Variants in GFOD1 observed in about 807,000 individuals in gnomAD.
GFOD1 encodes the protein glucose-fructose oxidoreductase domain-containing protein 1.
A neutral mutation model predicts 25.4 loss-of-function variants in GFOD1; 9 were observed. The observed-to-expected ratio is 0.35, with a 90% CI of 0.21 to 0.62. The LOEUF (loss-of-function observed/expected upper bound fraction) is 0.62, where lower values mean the gene tolerates loss of function less well. Among genes scored for constraint, GFOD1 ranks in the 20% least tolerant of loss-of-function variants. The pLI, the probability that GFOD1 is intolerant of heterozygous loss-of-function variation, is 0.72. For missense variants in GFOD1, 403 were observed against 556.9 expected (o/e 0.72, Z 2.78); for synonymous variants, 253 against 245.6 (o/e 1.03, Z -0.28).
chr6:13,390,780 A>AAGGAAGGAAGGAAGGAAGGAAGAAAGG (rs1785581911), intron 1 of GFOD1, among the ~76,000 whole-genome samples: 1 of 117,904 alleles, frequency 8.5e-6, no homozygotes, highest in African/African-American at 3.2e-5. Flanking sequence ...AGAGAGAGAG[A>AAGGAAGGAAGGAAGGAAGGAAGAAAGG]AAGGAAGGAA....
Position 13,365,609 on chromosome 6 carries a change from G to C in GFOD1, c.307C>G (p.Arg103Gly). 6.2e-7 allele frequency: 1 copy of C among 1,604,148 alleles called. No homozygotes were observed. Residue 103 changes from arginine to glycine, a missense_variant, in exon 2 of 2, where the codon CGC becomes GGC. Coordinates refer to ENST00000379287, the MANE Select transcript of GFOD1 (RefSeq NM_018988.4). The surrounding 1 kb of genome is among the most constrained non-coding windows in gnomAD (Gnocchi z 9.2). ...DRTATPLDAF[R>G]MTSAAHYYPK... ...TAGTAGTGGGCGGCCGAGGTCATGCGGAAAGCGTCCAGCGGCGTGGCCGTG... is the reference window on the plus strand; with the variant it reads ...TAGTAGTGGGCGGCCGAGGTCATGCCGAAAGCGTCCAGCGGCGTGGCCGTG...
At chr6:13,448,885 C>G (rs1309222300) in intron 1 of GFOD1, among the ~76,000 whole-genome samples, 1 of 152,192 alleles carries the variant, frequency 6.6e-6, no homozygotes, top group Non-Finnish European at 1.5e-5. Context: ...AACCAAAAGT[C>G]TCTAAAACAG....
At chr6:13,410,042 C>G (rs1427339534) in intron 1 of GFOD1, among the ~76,000 whole-genome samples, 7 of 121,348 alleles carry the variant, frequency 5.8e-5, no homozygotes, top group Admixed American at 2.0e-4. Context: ...GCAGGGTAAA[C>G]CTCTAAGGCC....
intron 1 of GFOD1, among the ~76,000 whole-genome samples, chr6:13,456,760 G>A (rs1020486188): frequency 6.6e-6 from 1 of 152,154 alleles, no homozygotes; most frequent in South Asian, 2.1e-4. Flanking sequence ...TCTTGGCCCC[G>A]CACAGATCTG....
intron 1 of GFOD1, among the ~76,000 whole-genome samples, chr6:13,390,266 G>A (rs1785560942): frequency 6.6e-6 from 1 of 152,194 alleles, no homozygotes; most frequent in South Asian, 2.1e-4. Flanking sequence ...AAACCTTCTG[G>A]GCTTCCATTT....
chr6:13,431,756 T>TA lies in GFOD1; in HGVS notation c.253+54881dup, dbSNP rs1757753543. ...CTCAATACAAACTTAAATGACCACT[T>TA]ACATTTAGTTCCCAGGTTGCACCAA... On this transcript the variant is annotated intron_variant, in intron 1 of 1. Transcript: ENST00000379287. 3.3e-5 allele frequency among the ~76,000 whole-genome samples: 5 copies of TA among 152,330 alleles called. No homozygotes were observed. In the South Asian group the frequency reaches 1.0e-3, roughly 32 times the overall value.
At chr6:13,456,852 C>G (rs1295695531) in intron 1 of GFOD1, among the ~76,000 whole-genome samples, 1 of 152,156 alleles carries the variant, frequency 6.6e-6, no homozygotes, top group Non-Finnish European at 1.5e-5. Flanking sequence ...CTGAGTAGAA[C>G]AGAAAGTTCA....
chr6:13,382,254 C>A (rs1044568756), intron 1 of GFOD1, among the ~76,000 whole-genome samples: 5 of 151,970 alleles, frequency 3.3e-5, no homozygotes, highest in African/African-American at 1.2e-4. Context: ...GTGATATGGT[C>A]TGGCTGTGTC....
chr6:13,411,670 C>T (rs1786081174), intron 1 of GFOD1, among the ~76,000 whole-genome samples: 1 of 152,196 alleles, frequency 6.6e-6, no homozygotes, highest in Admixed American at 6.5e-5. Context: ...ACCAGAAAGG[C>T]CTCCTTCCTG....
intron 1 of GFOD1, among the ~76,000 whole-genome samples, chr6:13,412,922 T>A (rs115573309): frequency 2.0e-3 from 311 of 152,354 alleles, no homozygotes; most frequent in Non-Finnish European, 3.2e-3. Context: ...TGTGTGTTGC[T>A]ATGACGATAA....
intron 1 of GFOD1, among the ~76,000 whole-genome samples, chr6:13,388,611 C>G (rs1317419966): frequency 3.9e-5 from 6 of 152,198 alleles, no homozygotes; most frequent in Non-Finnish European, 8.8e-5. Context: ...CAAAAATTAA[C>G]TCAAGATGGA....
At chr6:13,377,964 G>C (rs925324111) in intron 1 of GFOD1, among the ~76,000 whole-genome samples, 5 of 152,024 alleles carry the variant, frequency 3.3e-5, no homozygotes, top group Non-Finnish European at 7.4e-5. Context: ...CCCACCTCTG[G>C]GCTCCCTGTA....
chr6:13,466,955 C>T (rs900765748), intron 1 of GFOD1, among the ~76,000 whole-genome samples: 29 of 152,108 alleles, frequency 1.9e-4, no homozygotes, highest in African/African-American at 7.2e-5. Context: ...CATACACACA[C>T]GTATACATAC....
intron 1 of GFOD1, among the ~76,000 whole-genome samples, chr6:13,436,805 T>C (rs952306527): frequency 6.6e-6 from 1 of 152,252 alleles, no homozygotes; most frequent in African/African-American, 2.4e-5. Flanking sequence ...GAGAAAATGA[T>C]TGATGAGCTA....
chr6:13,426,507 C>T (rs1786355711), intron 1 of GFOD1, among the ~76,000 whole-genome samples: 1 of 152,200 alleles, frequency 6.6e-6, no homozygotes, highest in Non-Finnish European at 1.5e-5. Flanking sequence ...GCGTCACTGT[C>T]CTTTGGTCTC....
chr6:13,472,088 GA>G (rs1758520406), intron 1 of GFOD1: 1 of 160,510 alleles, frequency 6.2e-6, no homozygotes, highest in Admixed American at 6.5e-5. Context: ...GGAAACCCCT[GA>G]TAAACCCATC....
intron 1 of GFOD1, among the ~76,000 whole-genome samples, chr6:13,438,340 G>T (rs181156775): frequency 6.6e-6 from 1 of 152,254 alleles, no homozygotes; most frequent in East Asian, 1.9e-4. Context: ...AGGCAAGAAG[G>T]CAACAAAAAT....
chr6:13,373,841 G>T lies in GFOD1; in HGVS notation c.254-8179C>A, dbSNP rs561553765. ...GTGGAAGTATCATCAGGATTGACTT[G>T]TCTAAATCTCACTCTTCCCTCTGTC... On this transcript the variant is annotated intron_variant, in intron 1 of 1. Coordinates refer to ENST00000379287, the MANE Select transcript of GFOD1 (RefSeq NM_018988.4). Among the ~76,000 whole-genome samples, 31 of 145,738 alleles carry T rather than the reference G, an allele frequency of 2.1e-4. 1 individual carries two copies. In the South Asian group the frequency reaches 6.5e-3, roughly 31 times the overall value.
At chr6:13,366,610 A>C (rs924923677) in intron 1 of GFOD1, among the ~76,000 whole-genome samples, 4 of 151,978 alleles carry the variant, frequency 2.6e-5, no homozygotes, top group African/African-American at 9.7e-5. Flanking sequence ...CTGGGATTAC[A>C]GGCGTGAGCC....
Sources: allele counts gnomAD v4.1 joint callset (sites outside exome capture counted in the v4.1 genomes callset), GRCh38; gene constraint gnomAD v4.1.1; non-coding constraint Gnocchi (gnomAD v3.1); transcripts MANE v1.5; gene names NCBI Gene and HGNC (gene_info 2026-07-23, HGNC 2026-07-21).